FHIP1A: variants seen among roughly 807,000 people sequenced by gnomAD.
FHIP1A encodes FHF complex subunit HOOK-interacting protein 1A.
Under a neutral mutation model 88.6 loss-of-function variants are expected in FHIP1A, and 61 were observed. The ratio of observed to expected loss-of-function variants is 0.69; its 90% CI spans 0.56 to 0.85. The LOEUF is 0.85. FHIP1A is among the 40% of genes least tolerant of loss of function. The pLI is 0.00. For missense variants in FHIP1A, 1,154 were observed against 1,273.5 expected (o/e 0.91, Z 1.43); for synonymous variants, 478 against 496.0 (o/e 0.96, Z 0.48).
At chr4:151,461,892 A>G (rs1210120164) in intron 2 of FHIP1A, among the ~76,000 whole-genome samples, 1 of 152,248 alleles carries the variant, frequency 6.6e-6, no homozygotes. Context: ...GGTCAGGCAC[A>G]GTGGCTTACG....
At chr4:151,490,844 T>C (rs1730257960) in intron 3 of FHIP1A, among the ~76,000 whole-genome samples, 1 of 151,714 alleles carries the variant, frequency 6.6e-6, no homozygotes, top group Admixed American at 6.6e-5. Flanking sequence ...CTTTGAGAAA[T>C]GCAAAATACA....
intron 7 of FHIP1A, among the ~76,000 whole-genome samples, chr4:151,607,273 A>C (rs1246557640): frequency 6.6e-6 from 1 of 152,216 alleles, no homozygotes; most frequent in East Asian, 1.9e-4. Flanking sequence ...CACTATAATC[A>C]GTCAGTAAAC....
chr4:151,455,462 G>A (rs1175489821), intron 2 of FHIP1A, among the ~76,000 whole-genome samples: 8 of 152,162 alleles, frequency 5.3e-5, no homozygotes. Flanking sequence ...AATTCTCTTT[G>A]TAATAGTGAG....
chr4:151,510,485 G>A (rs1730988276), intron 3 of FHIP1A, among the ~76,000 whole-genome samples: 1 of 152,104 alleles, frequency 6.6e-6, no homozygotes, highest in Non-Finnish European at 1.5e-5. Context: ...AAATAGTATG[G>A]AGAGTTCTTG....
chr4:151,644,562 G>A (rs555287377), intron 9 of FHIP1A, among the ~76,000 whole-genome samples: 1 of 152,150 alleles, frequency 6.6e-6, no homozygotes, highest in East Asian at 1.9e-4. Context: ...GTGTTGCTCA[G>A]GCTCGTTTTG....
In FHIP1A at chr4:151,508,785, G is replaced by A. The variant is rs772676252; in HGVS notation, c.-123+26137G>A. Reference sequence around the variant, plus strand: ...GACTTGACCCTGTCAGAGACAGAGCGGAGCAAACAGCCTGCTCAAAGATTG... The same window carrying A: ...GACTTGACCCTGTCAGAGACAGAGCAGAGCAAACAGCCTGCTCAAAGATTG... On this transcript the variant is annotated intron_variant, in intron 3 of 13. Coordinates refer to ENST00000435205, the MANE Select transcript of FHIP1A (RefSeq NM_001109977.3). Among the ~76,000 whole-genome samples the A allele has an allele frequency of 7.9e-5, 12 of 152,056 alleles. No homozygotes were observed. In the East Asian group the frequency reaches 9.7e-4, roughly 12 times the overall value.
intron 7 of FHIP1A, among the ~76,000 whole-genome samples, chr4:151,604,017 A>G (rs1286166811): frequency 3.9e-5 from 6 of 152,144 alleles, no homozygotes; most frequent in Middle Eastern, 3.4e-3. Context: ...ACTTCCTACA[A>G]TGTTCTTGGT....
intron 13 of FHIP1A, among the ~76,000 whole-genome samples, chr4:151,659,000 TACATTCAGGGA>T (rs1399022337): frequency 6.6e-6 from 1 of 152,050 alleles, no homozygotes; most frequent in Non-Finnish European, 1.5e-5. Context: ...CCTTAACCCC[TACATTCAGGGA>T]AGGGGTGGGG....
chr4:151,627,719 T>G (rs999321801), intron 7 of FHIP1A, among the ~76,000 whole-genome samples: 1 of 152,188 alleles, frequency 6.6e-6, no homozygotes, highest in African/African-American at 2.4e-5. Context: ...ATTGGTGACA[T>G]CAGTTATTAC....
intron 3 of FHIP1A, among the ~76,000 whole-genome samples, chr4:151,515,345 T>C (rs1342222372): frequency 6.6e-6 from 1 of 151,046 alleles, no homozygotes; most frequent in Non-Finnish European, 1.5e-5. Flanking sequence ...ACAGCCAATA[T>C]CATACTGAAT....
At chr4:151,657,913 C>G (rs1737310032) in intron 13 of FHIP1A, among the ~76,000 whole-genome samples, 1 of 152,220 alleles carries the variant, frequency 6.6e-6, no homozygotes, top group Middle Eastern at 3.2e-3. Flanking sequence ...GGCCCAATGT[C>G]CCTTGACTTT....
intron 3 of FHIP1A, among the ~76,000 whole-genome samples, chr4:151,497,041 G>T (rs1361360294): frequency 6.6e-6 from 1 of 152,106 alleles, no homozygotes; most frequent in African/African-American, 2.4e-5. Flanking sequence ...GGGACCTGGG[G>T]ATGGGAATGC....
At chr4:151,558,145 G>A (rs1022782426) in intron 3 of FHIP1A, among the ~76,000 whole-genome samples, 1 of 152,126 alleles carries the variant, frequency 6.6e-6, no homozygotes. Flanking sequence ...CTTATTTACA[G>A]GTGCATAATA....
At chr4:151,470,949 T>C (rs1381412824) in intron 2 of FHIP1A, among the ~76,000 whole-genome samples, 2 of 152,180 alleles carry the variant, frequency 1.3e-5, no homozygotes, top group African/African-American at 2.4e-5. Flanking sequence ...TGTTAGCTAA[T>C]TGCCTACAAT....
intron 3 of FHIP1A, among the ~76,000 whole-genome samples, chr4:151,547,924 G>GA (rs75095708): frequency 6.3e-4 from 84 of 133,382 alleles, no homozygotes; most frequent in South Asian, 1.9e-3. Flanking sequence ...AAAAGAAAAA[G>GA]AAAAAAAAAA....
In FHIP1A at chr4:151,649,622, C is replaced by T. The variant is rs367927475; in HGVS notation, c.1581C>T (p.Gly527=). The stretch of plus-strand genomic sequence containing the variant: ...GTGTCTGGTCCGCCCTGTATGATGG[C>T]GACTCCCCCGACCCTGAGATGTTTC... ...DCRVWSALYD[G]DSPDPEMFLQ... is the part of the protein sequence containing the mutation. Residue 527 remains glycine, a synonymous_variant, in exon 11 of 14, where the codon GGC becomes GGT. Coordinates refer to ENST00000435205, the MANE Select transcript of FHIP1A (RefSeq NM_001109977.3). The T allele has an allele frequency of 1.2e-5, 19 of 1,551,544 alleles. No homozygotes were observed. Among genetic ancestry groups the T allele is most frequent in the African/African-American group, 9.6e-5 (7 of 73,040 alleles).
chr4:151,503,009 C>T (rs1394921281), intron 3 of FHIP1A, among the ~76,000 whole-genome samples: 2 of 152,160 alleles, frequency 1.3e-5, no homozygotes, highest in Non-Finnish European at 2.9e-5. Flanking sequence ...TCCACATTTG[C>T]GCCTTATTTG....
intron 7 of FHIP1A, among the ~76,000 whole-genome samples, chr4:151,620,670 A>G (rs1427929017): frequency 1.3e-5 from 2 of 152,102 alleles, no homozygotes; most frequent in Admixed American, 1.3e-4. Context: ...TGACCTCTCC[A>G]TTACTTCTCT....
intron 3 of FHIP1A, among the ~76,000 whole-genome samples, chr4:151,544,022 C>G (rs1186916629): frequency 1.3e-5 from 2 of 152,114 alleles, no homozygotes; most frequent in Admixed American, 6.5e-5. Flanking sequence ...TGTCATGGCT[C>G]AAATTGCGTT....
Sources: allele counts gnomAD v4.1 joint callset (sites outside exome capture counted in the v4.1 genomes callset), GRCh38; gene constraint gnomAD v4.1.1; transcripts MANE v1.5; gene names NCBI Gene and HGNC (gene_info 2026-07-23, HGNC 2026-07-21).